The following RSU1 variants were observed in gnomAD, a reference collection of about 807,000 sequenced individuals.
The protein encoded by RSU1 is rsu-1.
RSU1 carries 26 observed loss-of-function variants against 31.1 expected under a neutral mutation model. The observed-to-expected ratio is 0.84, with a 90% CI of 0.61 to 1.16. RSU1 has a LOEUF of 1.16. Among genes scored for constraint, RSU1 ranks in the 50% most tolerant of loss-of-function variants. The pLI, the probability that RSU1 is intolerant of heterozygous loss-of-function variation, is 0.00. For synonymous variants in RSU1, 164 were observed against 136.3 expected, an observed-to-expected ratio of 1.20 and a Z score of -1.41; for missense variants, 320 against 339.1, an observed-to-expected ratio of 0.94 and a Z score of 0.44.
intron 3 of RSU1, among the ~76,000 whole-genome samples, chr10:16,777,264 TAAAA>T (rs55960264): frequency 2.7e-5 from 4 of 146,334 alleles, no homozygotes; most frequent in Non-Finnish European, 4.5e-5. Context: ...TTCCACAGAT[TAAAA>T]AAAAAAACTC....
At chr10:16,695,183 G>T (rs747348510) in intron 7 of RSU1, 28 bp from the exon 8 acceptor site, 5 of 1,548,186 alleles carry the variant, frequency 3.2e-6, no homozygotes, top group Non-Finnish European at 4.4e-6. Flanking sequence ...AAAAGTGAAG[G>T]TCACTTCATC....
intron 8 of RSU1, among the ~76,000 whole-genome samples, chr10:16,610,848 T>C (rs1833880867): frequency 6.6e-6 from 1 of 152,216 alleles, no homozygotes. Flanking sequence ...TGGAAACTGC[T>C]GGTTTCGAGT....
At chr10:16,641,027 C>T (rs530466735) in intron 8 of RSU1, among the ~76,000 whole-genome samples, 3 of 152,168 alleles carry the variant, frequency 2.0e-5, no homozygotes, top group South Asian at 2.1e-4. Flanking sequence ...TCAGGCTCTA[C>T]GTCAGGAAAA....
chr10:16,682,639 C>T (rs1326459131), intron 8 of RSU1, among the ~76,000 whole-genome samples: 2 of 151,836 alleles, frequency 1.3e-5, no homozygotes, highest in South Asian at 2.1e-4. Flanking sequence ...TACTCTGTCT[C>T]TGGAGTAGCT....
rs544098228 is a variant in RSU1 at position 16,658,553 on chromosome 10, G to A, written c.731+36470C>T. Among the ~76,000 whole-genome samples the A allele has an allele frequency of 3.9e-5, 6 of 152,108 alleles. No homozygotes were observed. The East Asian group carries it at 5.8e-4, about 15-fold the overall frequency. On this transcript the variant is annotated intron_variant, in intron 8 of 8. Transcript: ENST00000345264. The stretch of plus-strand genomic sequence containing the variant: ...AGCCTGGATAACATGGTGAAACCCC[G>A]TCTCTACTAAAAATACAAAAATTAA...
chr10:16,790,245 T>C (rs1447548424), intron 2 of RSU1, among the ~76,000 whole-genome samples: 1 of 152,154 alleles, frequency 6.6e-6, no homozygotes, highest in Non-Finnish European at 1.5e-5. Context: ...GCGCCGGCCG[T>C]CTCTACCTTG....
Position 16,703,207 on chromosome 10 carries a change from G to A in RSU1, c.599-8052C>T, listed in dbSNP as rs146287326. ...TCCTATACGCCATGCAGAACTCTGA[G>A]CCAATTAAACCTCTGTTCTTTATAA... On this transcript the variant is annotated intron_variant, in intron 7 of 8. Transcript: ENST00000345264. 7.5e-3 allele frequency among the ~76,000 whole-genome samples: 1,139 copies of A among 152,258 alleles called. 13 individuals are homozygous for A. Among genetic ancestry groups the A allele is most frequent in the African/African-American group, 0.025 (1,039 of 41,552 alleles).
chr10:16,674,844 C>T (rs1442704524), intron 8 of RSU1, among the ~76,000 whole-genome samples: 1 of 152,014 alleles, frequency 6.6e-6, no homozygotes, highest in East Asian at 1.9e-4. Context: ...ACCAGCCTGG[C>T]TAACACAGCG....
At chr10:16,718,489 G>A (rs930869214) in intron 7 of RSU1, among the ~76,000 whole-genome samples, 1 of 152,174 alleles carries the variant, frequency 6.6e-6, no homozygotes, top group Non-Finnish European at 1.5e-5. Context: ...TTGTTTGGTA[G>A]TAGTCTGACA....
intron 7 of RSU1, among the ~76,000 whole-genome samples, chr10:16,742,437 C>T (rs113094122): frequency 0.014 from 2,138 of 152,178 alleles, 50 homozygotes; most frequent in African/African-American, 0.045. Context: ...CACTCACACA[C>T]GCATGCAATA....
rs1288631524 is a variant in RSU1 at position 16,608,886 on chromosome 10, G to A, written c.732-15390C>T. 3.9e-5 allele frequency among the ~76,000 whole-genome samples: 6 copies of A among 152,200 alleles called. No individual in the cohort carries two copies. The East Asian group carries it at 9.7e-4, about 25-fold the overall frequency. On this transcript the variant is annotated intron_variant, in intron 8 of 8. Transcript: ENST00000345264. ...GACAGGGTCTTGATCTGTTGCCCTG[G>A]CTGCGGTGCCATCATAGCTCACTGC...
chr10:16,804,326 T>G (rs1385687879), intron 2 of RSU1, among the ~76,000 whole-genome samples: 2 of 152,208 alleles, frequency 1.3e-5, no homozygotes, highest in African/African-American at 4.8e-5. Flanking sequence ...CAAATGCTGG[T>G]GAGGATGTGG....
At chr10:16,614,195 T>C (rs1209962604) in intron 8 of RSU1, among the ~76,000 whole-genome samples, 1 of 152,162 alleles carries the variant, frequency 6.6e-6, no homozygotes, top group Non-Finnish European at 1.5e-5. Context: ...AAATTTCAAA[T>C]TAGGTATAAC....
At chr10:16,650,744 TAC>T (rs1325430153) in intron 8 of RSU1, among the ~76,000 whole-genome samples, 1 of 141,272 alleles carries the variant, frequency 7.1e-6, no homozygotes, top group Non-Finnish European at 1.6e-5. Context: ...CACACCCGGC[TAC>T]TTTTTTTTTT....
chr10:16,775,201 G>A (rs552667685), intron 3 of RSU1, among the ~76,000 whole-genome samples: 12 of 150,944 alleles, frequency 7.9e-5, no homozygotes, highest in Admixed American at 1.3e-4. Flanking sequence ...GAAAATGTAC[G>A]TATAATATTT....
At chr10:16,788,333 T>C (rs1223665702) in intron 2 of RSU1, among the ~76,000 whole-genome samples, 4 of 152,116 alleles carry the variant, frequency 2.6e-5, no homozygotes, top group Admixed American at 6.5e-5. Context: ...CCCAAAAAAT[T>C]CATATACGGA....
intron 2 of RSU1, among the ~76,000 whole-genome samples, chr10:16,782,628 T>G (rs1398023549): frequency 6.6e-6 from 1 of 152,200 alleles, no homozygotes; most frequent in African/African-American, 2.4e-5. Flanking sequence ...CCCTTCACAA[T>G]TTCTTCTAAA....
At chr10:16,674,080 C>T (rs1453748862) in intron 8 of RSU1, among the ~76,000 whole-genome samples, 1 of 152,136 alleles carries the variant, frequency 6.6e-6, no homozygotes, top group East Asian at 1.9e-4. Flanking sequence ...GGAGGCCTGG[C>T]TGACTCAAAA....
chr10:16,635,143 G>T (rs1236627623), intron 8 of RSU1, among the ~76,000 whole-genome samples: 2 of 152,310 alleles, frequency 1.3e-5, no homozygotes, highest in South Asian at 2.1e-4. Context: ...ATAGGCAAAT[G>T]AAATACACAA....
Sources: allele counts gnomAD v4.1 joint callset (sites outside exome capture counted in the v4.1 genomes callset), GRCh38; gene constraint gnomAD v4.1.1; transcripts MANE v1.5; gene names NCBI Gene and HGNC (gene_info 2026-07-23, HGNC 2026-07-21).